ABCG1: variants seen among roughly 807,000 people sequenced by gnomAD.
The protein encoded by ABCG1 is ATP binding cassette subfamily G member 1, also known as ATP-binding cassette sub-family G member 1.
A neutral mutation model predicts 69.2 loss-of-function variants in ABCG1; 29 were observed. That is an observed-to-expected ratio of 0.42 (90% CI 0.31 to 0.57). ABCG1 has a LOEUF of 0.57. ABCG1 is among the 20% of genes least tolerant of loss of function. ABCG1 has a pLI of 0.15. For synonymous variants in ABCG1, 370 were observed against 374.8 expected, an observed-to-expected ratio of 0.99 and a Z score of 0.15; for missense variants, 718 against 898.1, an observed-to-expected ratio of 0.80 and a Z score of 2.56.
intron 2 of ABCG1, among the ~76,000 whole-genome samples, chr21:42,248,885 CAG>C (rs1449995730): frequency 7.9e-6 from 1 of 127,086 alleles, no homozygotes; most frequent in African/African-American, 3.2e-5. Context: ...GCCTGAGTGA[CAG>C]AGCAAGACCT....
intron 2 of ABCG1, chr21:42,260,000 ATCCTGCACGTGG>A: frequency 6.7e-6 from 10 of 1,483,378 alleles, no homozygotes; most frequent in Middle Eastern, 1.8e-4. Flanking sequence ...CCAGTGCGGC[ATCCTGCACGTGG>A]TCAGTCCAAG....
intron 2 of ABCG1, among the ~76,000 whole-genome samples, chr21:42,249,235 C>T (rs771445665): frequency 2.0e-5 from 3 of 152,008 alleles, no homozygotes; most frequent in Non-Finnish European, 4.4e-5. Flanking sequence ...GGGCGCCGGG[C>T]CTGGGGTGTG....
At chr21:42,266,843 G>A (rs2068514116) in intron 2 of ABCG1, among the ~76,000 whole-genome samples, 1 of 152,136 alleles carries the variant, frequency 6.6e-6, no homozygotes, top group African/African-American at 2.4e-5. Context: ...GTAGCCTGCT[G>A]GTGTCACTTA....
rs17114631 is a variant in ABCG1, at chr21:42,288,380, C to G, written c.1224+68C>G. The G allele has an allele frequency of 8.4e-7, 1 of 1,190,538 alleles. No individual in the cohort carries two copies. Among genetic ancestry groups the G allele is most frequent in the Non-Finnish European group, 1.2e-6 (1 of 810,874 alleles). The allele number at this position is 1,190,538 out of a possible 1,614,324, so 73.7% of individuals were successfully genotyped here. A position where few individuals can be genotyped will look rare whatever the true frequency, so the allele number is the denominator to read the frequency against. Reference sequence around the variant, plus strand: ...GGTCATTTTCTCAGACTCGTCCTGACGGAATGTGTTCGTTCATTCTCACAT... The same window carrying G: ...GGTCATTTTCTCAGACTCGTCCTGAGGGAATGTGTTCGTTCATTCTCACAT... On this transcript the variant is annotated intron_variant, in intron 10 of 14. Coordinates refer to ENST00000398449, the MANE Select transcript of ABCG1 (RefSeq NM_016818.3). This position sits in a 1 kb window ranked among gnomAD's most constrained non-coding sequence, Gnocchi z 4.8.
Position 42,268,200 on chromosome 21 carries a change from G to A in ABCG1, c.287-2870G>A, listed in dbSNP as rs1485763397. Reference sequence around the variant, plus strand: ...AGAGCCCACAAGGACAGGGAGGCAGGTGCATGTCCATTATGCCAAGAAGTG... The same window carrying A: ...AGAGCCCACAAGGACAGGGAGGCAGATGCATGTCCATTATGCCAAGAAGTG... On this transcript the variant is annotated intron_variant, in intron 2 of 14. Coordinates refer to ENST00000398449, the MANE Select transcript of ABCG1 (RefSeq NM_016818.3). Among the ~76,000 whole-genome samples the A allele has an allele frequency of 8.5e-5, 13 of 152,332 alleles. No individual in the cohort carries two copies. The East Asian group carries it at 2.5e-3, about 29-fold the overall frequency.
chr21:42,203,390 C>T (rs1264757571), intron 2 of ABCG1, among the ~76,000 whole-genome samples: 1 of 152,088 alleles, frequency 6.6e-6, no homozygotes, highest in Non-Finnish European at 1.5e-5. Flanking sequence ...CTAAAGATTT[C>T]CTCCTAATAT....
At chr21:42,213,210 C>T (rs957239835), upstream of ABCG1, among the ~76,000 whole-genome samples, 2 of 152,236 alleles carry the variant, frequency 1.3e-5, no homozygotes, top group Admixed American at 6.5e-5. Flanking sequence ...TTATTGCTGC[C>T]CTCCCATCAC....
At position 42,219,167 on chromosome 21, in the gene ABCG1, G is replaced by C. The variant is rs2067678861; in HGVS notation, c.-96G>C. ...AGCCCAAGCGCAGCCCGCACCCCGC[G>C]CAGCGGCTGAGCCGGGAGCCAGCGC... On this transcript the variant is annotated 5_prime_UTR_variant, in exon 1 of 15. Transcript: ENST00000398449. This position sits in a 1 kb window ranked among gnomAD's most constrained non-coding sequence, Gnocchi z 5.3. 8.9e-7 allele frequency: 1 copy of C among 1,129,416 alleles called. No individual in the cohort carries two copies. The highest frequency in any genetic ancestry group is 1.1e-6 in the Non-Finnish European group (1 of 905,588). 70.0% of individuals were successfully genotyped at this position (1,129,416 alleles called of 1,614,324 possible). A position where few individuals can be genotyped will look rare whatever the true frequency, so the allele number is the denominator to read the frequency against.
rs745390151 is a variant in ABCG1, at chr21:42,219,262, C to A, written c.-1C>A. ...GCCGCCGCCGCCGCCGCCCCCGGGG[C>A]ATGGCCTGTCTGATGGCCGCTTTCT... On this transcript the variant is annotated 5_prime_UTR_variant, in exon 1 of 15. Transcript: ENST00000398449. This position sits in a 1 kb window ranked among gnomAD's most constrained non-coding sequence, Gnocchi z 5.3. The A allele has an allele frequency of 6.3e-7, 1 of 1,576,108 alleles. No individual in the cohort carries two copies.
chr21:42,243,090 G>C (rs2068075586), intron 2 of ABCG1, among the ~76,000 whole-genome samples: 2 of 152,210 alleles, frequency 1.3e-5, no homozygotes, highest in South Asian at 2.1e-4. Flanking sequence ...ACAGGCAGGA[G>C]TGAGGGCCCT....
chr21:42,225,199 T>C (rs954467635), intron 1 of ABCG1, among the ~76,000 whole-genome samples: 9 of 152,226 alleles, frequency 5.9e-5, no homozygotes, highest in Non-Finnish European at 1.2e-4. Flanking sequence ...TCAGGTGATG[T>C]CATTGCTCCT....
chr21:42,290,502 C>T (rs998208424), intron 11 of ABCG1, among the ~76,000 whole-genome samples: 5 of 152,126 alleles, frequency 3.3e-5, no homozygotes, highest in Admixed American at 3.3e-4. Context: ...AATTAGGAGC[C>T]CCCCAACTCT....
intron 5 of ABCG1, 62 bp downstream of exon 5, chr21:42,277,007 TG>T (rs1411731050): frequency 1.3e-6 from 2 of 1,566,256 alleles, no homozygotes; most frequent in African/African-American, 2.7e-5. Context: ...ATGTGGAAGG[TG>T]TGCCTGCCGG....
Position 42,293,723 on chromosome 21 carries a change from TACAC to T in ABCG1, c.1654-815_1654-812del, listed in dbSNP as rs1388532240. Among the ~76,000 whole-genome samples, 8 of 133,920 alleles carry T rather than the reference TACAC, an allele frequency of 6.0e-5. No homozygotes were observed. In the East Asian group the frequency reaches 1.4e-3, roughly 23 times the overall value. The allele number at this position is 133,920 out of a possible 152,430, so 87.9% of individuals were successfully genotyped here. A position where few individuals can be genotyped will look rare whatever the true frequency, so the allele number is the denominator to read the frequency against. ...ACTACACATACACCACACTACACAC[TACAC>T]ACAAATACTACATACACACACCACA... On this transcript the variant is annotated intron_variant, in intron 13 of 14. Transcript: ENST00000398449.
At chr21:42,274,332 G>A (rs1026070491) in intron 4 of ABCG1, among the ~76,000 whole-genome samples, 3 of 152,130 alleles carry the variant, frequency 2.0e-5, no homozygotes, top group Non-Finnish European at 4.4e-5. Context: ...TCCAGTATTT[G>A]GGGAAGTTTA....
upstream of ABCG1, among the ~76,000 whole-genome samples, chr21:42,214,850 C>T (rs1483612632): frequency 6.6e-6 from 1 of 152,248 alleles, no homozygotes; most frequent in African/African-American, 2.4e-5. Context: ...ATCCCATAAG[C>T]TGTCATACTT....
At chr21:42,227,102 T>C (rs988465490) in intron 2 of ABCG1, among the ~76,000 whole-genome samples, 1 of 152,252 alleles carries the variant, frequency 6.6e-6, no homozygotes, top group Non-Finnish European at 1.5e-5. Flanking sequence ...GTCCCTGGGA[T>C]CTGCAAGCCC....
At chr21:42,201,340 A>G (rs2067504450) in intron 1 of ABCG1, among the ~76,000 whole-genome samples, 1 of 152,068 alleles carries the variant, frequency 6.6e-6, no homozygotes, top group African/African-American at 2.4e-5. Context: ...TCAGCTCACA[A>G]TAGGGTTTTC....
At position 42,294,655 on chromosome 21, in the gene ABCG1, T is replaced by C. The variant is rs2069168238; in HGVS notation, c.1767T>C (p.Tyr589=). 2.5e-6 allele frequency: 4 copies of C among 1,613,458 alleles called. No homozygotes were observed. Among genetic ancestry groups the C allele is most frequent in the Non-Finnish European group, 2.5e-6 (3 of 1,179,442 alleles). The part of the protein sequence containing the change: ...TYLQWMSYIS[Y]VRYGFEGVIL... ...TACAGTGGATGTCCTACATCTCCTA[T>C]GTCAGGTAGCGGGCGTGGGGCACGC... is the stretch of plus-strand genomic sequence containing the variant. The change falls in exon 14 of 15, where the codon TAT becomes TAC. Residue 589 remains tyrosine (Y), a synonymous_variant. Coordinates refer to ENST00000398449, the MANE Select transcript of ABCG1 (RefSeq NM_016818.3).
Sources: allele counts gnomAD v4.1 joint callset (sites outside exome capture counted in the v4.1 genomes callset), GRCh38; gene constraint gnomAD v4.1.1; non-coding constraint Gnocchi (gnomAD v3.1); transcripts MANE v1.5; gene names NCBI Gene and HGNC (gene_info 2026-07-23, HGNC 2026-07-21).